ERCC4: variants seen among roughly 807,000 people sequenced by gnomAD.
ERCC4 encodes ERCC excision repair 4, endonuclease catalytic subunit, also known as DNA repair endonuclease XPF.
In ERCC4, 65 loss-of-function variants were observed where a neutral mutation model predicts 76.9. That is an observed-to-expected ratio of 0.84 (90% confidence interval 0.69 to 1.04). ERCC4 has a LOEUF of 1.04. Among genes scored for constraint, ERCC4 ranks in the 50% least tolerant of loss-of-function variants. ERCC4 has a pLI of 0.00. For synonymous variants in ERCC4, 463 were observed against 410.1 expected, an observed-to-expected ratio of 1.13 and a Z score of -1.56; for missense variants, 1,214 against 1,128.2, an observed-to-expected ratio of 1.08 and a Z score of -1.09.
chr16:13,944,445 A>C (rs1314264242), intron 9 of ERCC4, among the ~76,000 whole-genome samples: 4 of 152,126 alleles, frequency 2.6e-5, no homozygotes, highest in Non-Finnish European at 5.9e-5. Context: ...GTTGTTTCTT[A>C]AATATTTGAA....
In ERCC4 at chr16:13,935,635, G is replaced by A. The variant is rs2141607994; in HGVS notation, c.1703G>A (p.Arg568Lys). ...TGCAGCGACCCCTATGCTCTGACAAGGGTACTACATGAAGTGGAGCCAAGA... is the reference window on the plus strand; with the variant it reads ...TGCAGCGACCCCTATGCTCTGACAAAGGTACTACATGAAGTGGAGCCAAGA... ...LGCSDPYALT[R>K]VLHEVEPRYV... The change falls in exon 8 of 11, where the codon AGG becomes AAG. Residue 568 changes from arginine to lysine, a missense_variant. Transcript: ENST00000311895. 6.2e-7 allele frequency: 1 copy of A among 1,614,076 alleles called. No homozygotes were observed. The highest frequency in any genetic ancestry group is 1.1e-5 in the South Asian group (1 of 91,078).
intron 6 of ERCC4, chr16:13,932,540 C>G: frequency 1.8e-6 from 1 of 561,900 alleles, no homozygotes; most frequent in Non-Finnish European, 3.1e-6. Flanking sequence ...TAACAGATGT[C>G]AAATATTGAT....
intron 9 of ERCC4, among the ~76,000 whole-genome samples, chr16:13,938,134 T>C (rs2141610800): frequency 6.6e-6 from 1 of 152,300 alleles, no homozygotes; most frequent in Middle Eastern, 3.4e-3. Context: ...TTTTTGTTTG[T>C]GAAGCAGTAT....
intron 2 of ERCC4, among the ~76,000 whole-genome samples, chr16:13,924,213 G>A (rs1026976537): frequency 1.3e-5 from 2 of 152,126 alleles, no homozygotes; most frequent in African/African-American, 4.8e-5. Context: ...GAATCCCCCA[G>A]CCCCAACTTC....
chr16:13,929,204 A>C (rs891027515), intron 4 of ERCC4, among the ~76,000 whole-genome samples: 2 of 152,210 alleles, frequency 1.3e-5, no homozygotes, highest in South Asian at 4.1e-4. Context: ...GGTTAGTAAC[A>C]GTCACTTCAT....
chr16:13,950,127 A>G lies in ERCC4; in HGVS notation c.*1780A>G. The stretch of plus-strand genomic sequence containing the variant: ...AGGTGTGCACCACCAGACCCGGCTA[A>G]TTTTTGTATTTTTAGTAGAGACGGG... On this transcript the variant is annotated 3_prime_UTR_variant, in exon 11 of 11. Transcript: ENST00000311895. The G allele has an allele frequency of 5.4e-6, 1 of 186,414 alleles. No homozygotes were observed. Among genetic ancestry groups the G allele is most frequent in the East Asian group, 8.7e-5 (1 of 11,486 alleles). The allele number at this position is 186,414 out of a possible 1,614,324, so 11.5% of individuals were successfully genotyped here.
chr16:13,939,192 C>G (rs1338418690), intron 9 of ERCC4, among the ~76,000 whole-genome samples: 2 of 152,214 alleles, frequency 1.3e-5, no homozygotes, highest in African/African-American at 4.8e-5. Flanking sequence ...TTGCTCCTCT[C>G]TGTCTTACTC....
chr16:13,940,651 G>T (rs967429207), intron 9 of ERCC4, among the ~76,000 whole-genome samples: 3 of 152,202 alleles, frequency 2.0e-5, no homozygotes, highest in Non-Finnish European at 2.9e-5. Context: ...CAGCTCCTCA[G>T]ACTCCAGCCC....
In ERCC4 at chr16:13,933,061, A is replaced by C. The variant is rs1029668693; in HGVS notation, c.1102+776A>C. ...ACTCGGTCTCAAAAAAAAAAAAAAAAAAAAAACACAAAAACTTTTAAAGTA... is the reference window on the plus strand; with the variant it reads ...ACTCGGTCTCAAAAAAAAAAAAAAACAAAAAACACAAAAACTTTTAAAGTA... On this transcript the variant is annotated intron_variant, in intron 6 of 10. Transcript: ENST00000311895. 15 of 413,706 alleles carry C rather than the reference A, an allele frequency of 3.6e-5. 1 individual carries two copies. Among genetic ancestry groups the C allele is most frequent in the Admixed American group, 2.0e-4 (7 of 34,808 alleles). 25.6% of individuals were successfully genotyped at this position (413,706 alleles called of 1,614,324 possible). A position where few individuals can be genotyped will look rare whatever the true frequency, so the allele number is the denominator to read the frequency against.
rs1465766146 is a variant in ERCC4, at chr16:13,951,177, CTA to C, written c.*2831_*2832del. On this transcript the variant is annotated 3_prime_UTR_variant, in exon 11 of 11. Transcript: ENST00000311895. ...TTTTTATAAAAATTTTTTTTACAAT[CTA>C]ATAATCTTTGGTAAAGGAACTAGAG... 1.1e-5 allele frequency: 2 copies of C among 184,098 alleles called. No individual in the cohort carries two copies. The highest frequency in any genetic ancestry group is 2.3e-5 in the Non-Finnish European group (2 of 86,758). 11.4% of individuals were successfully genotyped at this position (184,098 alleles called of 1,614,324 possible).
rs748509102 is a variant in ERCC4, at chr16:13,920,180, G to A, written c.15G>A (p.Gln5=). MESG[Q]PARRIAMAPL... is the part of the protein sequence containing the mutation. ...GAAGAGCTTCCATGGAGTCAGGGCA[G>A]CCGGCTCGACGGATTGCCATGGCGC... The change falls in exon 1 of 11, where the codon CAG becomes CAA. Residue 5 remains glutamine, a synonymous_variant. Transcript: ENST00000311895. The A allele has an allele frequency of 3.7e-6, 6 of 1,605,850 alleles. No homozygotes were observed. Among genetic ancestry groups the A allele is most frequent in the South Asian group, 3.3e-5 (3 of 91,068 alleles).
rs146097846 is a variant in ERCC4, at chr16:13,921,181, G to C, written c.207+809G>C. 2.6e-3 allele frequency among the ~76,000 whole-genome samples: 392 copies of C among 152,260 alleles called. 1 individual carries two copies. The highest frequency in any genetic ancestry group is 9.1e-3 in the African/African-American group (380 of 41,540). ...CTGAGGCGCTGGAAAAACCCCAATA[G>C]GGAAAAGGAGGGACCAGGAAATAGG... On this transcript the variant is annotated intron_variant, in intron 1 of 10. Transcript: ENST00000311895.
At chr16:13,923,732 C>A (rs1262035365) in intron 2 of ERCC4, among the ~76,000 whole-genome samples, 1 of 151,648 alleles carries the variant, frequency 6.6e-6, no homozygotes, top group Non-Finnish European at 1.5e-5. Flanking sequence ...GTGCCTGGTA[C>A]ACAACAAACT....
chr16:13,928,190 G>A lies in ERCC4; in HGVS notation c.747G>A (p.Val249=). The change falls in exon 4 of 11, where the codon GTG becomes GTA. Residue 249 remains valine, a synonymous_variant. Transcript: ENST00000311895. ...AATGCCATAACCCATCGCTTGAAGT[G>A]GAAGATTTATCTTTAGAAAATGCTA... ...ELKCHNPSLE[V]EDLSLENAIG... 6.2e-7 allele frequency: 1 copy of A among 1,613,632 alleles called. No individual in the cohort carries two copies. The highest frequency in any genetic ancestry group is 8.5e-7 in the Non-Finnish European group (1 of 1,179,796).
At chr16:13,931,052 T>G (rs769016826) in intron 5 of ERCC4, 162 bp downstream of exon 5, 4 of 643,018 alleles carry the variant, frequency 6.2e-6, no homozygotes, top group Non-Finnish European at 1.1e-5. Context: ...GTTTTATTGA[T>G]AGCTAATGTT....
rs1280790284 is a variant in ERCC4 at position 13,949,880 on chromosome 16, TG to T, written c.*1534del. ...ATTTTAATGTTTCATCAACATCAGC[TG>T]TTTTTTTGTTTGCTACACTATTTGA... On this transcript the variant is annotated 3_prime_UTR_variant, in exon 11 of 11. Transcript: ENST00000311895. The T allele has an allele frequency of 8.6e-6, 2 of 232,724 alleles. No homozygotes were observed. The highest frequency in any genetic ancestry group is 1.2e-4 in the East Asian group (2 of 16,414). 14.4% of individuals were successfully genotyped at this position (232,724 alleles called of 1,614,324 possible). A position where few individuals can be genotyped will look rare whatever the true frequency, so the allele number is the denominator to read the frequency against.
At chr16:13,933,861 C>T (rs2032230999) in intron 6 of ERCC4, 2 of 202,784 alleles carry the variant, frequency 9.9e-6, no homozygotes, top group East Asian at 1.2e-4. Context: ...ATAGTAAATA[C>T]TGTCATTGTG....
Position 13,920,313 on chromosome 16 carries a change from C to T in ERCC4, c.148C>T (p.Gln50Ter). ...GGACCGGCTCCTCTACCACTTTCTCCAGCTGCACTGCCACCCAGCCTGCCT... is the reference window on the plus strand; with the variant it reads ...GGACCGGCTCCTCTACCACTTTCTCTAGCTGCACTGCCACCCAGCCTGCCT... ...GADRLLYHFLQLHCHPACLVL... is the reference protein window; with the variant it reads ...GADRLLYHFL The change falls in exon 1 of 11, where the codon CAG becomes TAG. Residue 50 changes from glutamine to a stop codon, truncating the protein, a stop_gained. Coordinates refer to ENST00000311895, the MANE Select transcript of ERCC4 (RefSeq NM_005236.3). LOFTEE classifies it high-confidence loss of function. 1.9e-6 allele frequency: 3 copies of T among 1,602,176 alleles called. No homozygotes were observed. Among genetic ancestry groups the T allele is most frequent in the South Asian group, 1.1e-5 (1 of 90,902 alleles).
At position 13,950,499 on chromosome 16, in the gene ERCC4, A is replaced by G. The variant is rs943056130; in HGVS notation, c.*2152A>G. 2 of 192,854 alleles carry G rather than the reference A, an allele frequency of 1.0e-5. No homozygotes were observed. Among genetic ancestry groups the G allele is most frequent in the African/African-American group, 4.6e-5 (2 of 43,124 alleles). The allele number at this position is 192,854 out of a possible 1,614,324, so 11.9% of individuals were successfully genotyped here. On this transcript the variant is annotated 3_prime_UTR_variant, in exon 11 of 11. Coordinates refer to ENST00000311895, the MANE Select transcript of ERCC4 (RefSeq NM_005236.3). ...GATGGAATAAAGATTTGGGCTGCTA[A>G]TTTTTTCCCAGGATTCAAAATATAC... is the stretch of plus-strand genomic sequence containing the variant.
Sources: gnomAD v4.1 joint callset for allele counts (sites outside exome capture counted in the v4.1 genomes callset) on GRCh38, gnomAD v4.1.1 for gene constraint, MANE v1.5 for transcripts, NCBI Gene and HGNC (gene_info 2026-07-23, HGNC 2026-07-21) for gene names.